Variants in CTNNA3 observed in about 807,000 individuals in gnomAD.
The protein encoded by CTNNA3 is catenin alpha-3.
A neutral mutation model predicts 95.7 loss-of-function variants in CTNNA3; 76 were observed. The ratio of observed to expected loss-of-function variants is 0.79; its 90% CI spans 0.66 to 0.96. The LOEUF (loss-of-function observed/expected upper bound fraction) is 0.96, where lower values mean the gene tolerates loss of function less well. Ranked by LOEUF, CTNNA3 falls within the 40% of genes least tolerant of loss-of-function variation. CTNNA3 has a pLI of 0.00. For synonymous variants in CTNNA3, 431 were observed against 374.4 expected, an observed-to-expected ratio of 1.15 and a Z score of -1.74; for missense variants, 1,191 against 1,089.8, an observed-to-expected ratio of 1.09 and a Z score of -1.31.
chr10:67,052,926 G>A (rs1420614426), intron 7 of CTNNA3, among the ~76,000 whole-genome samples: 5 of 152,086 alleles, frequency 3.3e-5, no homozygotes, highest in Admixed American at 3.3e-4. Flanking sequence ...GTACTCATTT[G>A]GCTCACCTAA....
chr10:67,574,619 C>T (rs1447199754), intron 3 of CTNNA3, among the ~76,000 whole-genome samples: 3 of 144,048 alleles, frequency 2.1e-5, no homozygotes, highest in Admixed American at 1.4e-4. Context: ...CTCCCACTGT[C>T]GCCCAGGCTG....
chr10:67,262,290 A>G (rs1012822848), intron 5 of CTNNA3, among the ~76,000 whole-genome samples: 2 of 152,206 alleles, frequency 1.3e-5, no homozygotes, highest in Non-Finnish European at 2.9e-5. Flanking sequence ...TCATAAAAAT[A>G]ATTTTATATG....
At chr10:66,072,669 TCCTGA>T (rs1486656376) in intron 14 of CTNNA3, among the ~76,000 whole-genome samples, 12 of 152,062 alleles carry the variant, frequency 7.9e-5, no homozygotes, top group Non-Finnish European at 7.4e-5. Context: ...GGTCTTGAAC[TCCTGA>T]CCTCGTGATC....
intron 9 of CTNNA3, among the ~76,000 whole-genome samples, chr10:66,632,739 A>T (rs1436059551): frequency 6.6e-6 from 1 of 152,044 alleles, no homozygotes; most frequent in Non-Finnish European, 1.5e-5. Context: ...TACATAAAAA[A>T]TTTTAAATGT....
chr10:67,472,952 T>A (rs2133032988), intron 5 of CTNNA3, among the ~76,000 whole-genome samples: 4 of 152,330 alleles, frequency 2.6e-5, no homozygotes, highest in Middle Eastern at 6.8e-3. Flanking sequence ...CCCTTTTACC[T>A]TTCTCCATAG....
At chr10:67,637,065 C>T (rs558904356) in intron 2 of CTNNA3, among the ~76,000 whole-genome samples, 10 of 152,160 alleles carry the variant, frequency 6.6e-5, no homozygotes, top group East Asian at 3.9e-4. Context: ...CAAACTTCTC[C>T]GAGCTAAAGG....
intron 13 of CTNNA3, among the ~76,000 whole-genome samples, chr10:66,194,574 C>G (rs2086852040): frequency 6.6e-6 from 1 of 152,060 alleles, no homozygotes; most frequent in Non-Finnish European, 1.5e-5. Context: ...GAGAGAGACT[C>G]CATCTCAAAA....
chr10:66,959,394 G>A (rs901746662), intron 7 of CTNNA3, among the ~76,000 whole-genome samples: 1 of 152,108 alleles, frequency 6.6e-6, no homozygotes, highest in Non-Finnish European at 1.5e-5. Context: ...ATAATGAGAT[G>A]TTTCTTTAAA....
chr10:67,667,419 A>G (rs1308713726), intron 1 of CTNNA3, among the ~76,000 whole-genome samples: 5 of 152,208 alleles, frequency 3.3e-5, no homozygotes, highest in Non-Finnish European at 7.4e-5. Context: ...TGATGCAATT[A>G]TATCACAAAC....
intron 7 of CTNNA3, among the ~76,000 whole-genome samples, chr10:66,814,819 T>G (rs1033612064): frequency 9.9e-5 from 15 of 151,886 alleles, no homozygotes; most frequent in African/African-American, 3.6e-4. Flanking sequence ...AAGCAAATAT[T>G]TGAACTTTTG....
chr10:66,960,111 T>C (rs1849035546), intron 7 of CTNNA3, among the ~76,000 whole-genome samples: 1 of 152,162 alleles, frequency 6.6e-6, no homozygotes, highest in Non-Finnish European at 1.5e-5. Context: ...TAAAAATATT[T>C]CTTTCTCTCC....
intron 7 of CTNNA3, among the ~76,000 whole-genome samples, chr10:67,127,696 G>A (rs1215246765): frequency 6.6e-6 from 1 of 152,088 alleles, no homozygotes; most frequent in Non-Finnish European, 1.5e-5. Context: ...TCTGTACCAG[G>A]TACAGTCAAG....
At chr10:66,381,439 T>G (rs967591673) in intron 11 of CTNNA3, among the ~76,000 whole-genome samples, 1 of 152,212 alleles carries the variant, frequency 6.6e-6, no homozygotes, top group African/African-American at 2.4e-5. Context: ...TTTAAAAATA[T>G]CTCTCTAGTA....
At chr10:66,964,382 A>G (rs1011509648) in intron 7 of CTNNA3, among the ~76,000 whole-genome samples, 5 of 151,880 alleles carry the variant, frequency 3.3e-5, no homozygotes, top group Non-Finnish European at 5.9e-5. Context: ...TGTTTCTCTC[A>G]TACTTTAAAA....
chr10:67,048,525 G>T (rs1370244203), intron 7 of CTNNA3, among the ~76,000 whole-genome samples: 1 of 151,968 alleles, frequency 6.6e-6, no homozygotes, highest in African/African-American at 2.4e-5. Context: ...CTAATATACT[G>T]CAAGTTACTA....
chr10:67,026,607 A>G (rs1051788748), intron 7 of CTNNA3, among the ~76,000 whole-genome samples: 13 of 152,178 alleles, frequency 8.5e-5, no homozygotes, highest in Non-Finnish European at 1.9e-4. Flanking sequence ...AAGAAAGAAC[A>G]GTCTTCTGAA....
At chr10:67,075,857 A>C (rs533981482) in intron 7 of CTNNA3, among the ~76,000 whole-genome samples, 5 of 152,354 alleles carry the variant, frequency 3.3e-5, no homozygotes, top group African/African-American at 1.2e-4. Flanking sequence ...AGCCAGCAAA[A>C]TCTGAGCTTT....
chr10:67,493,328 G>A (rs970331153), intron 5 of CTNNA3, among the ~76,000 whole-genome samples: 7 of 152,074 alleles, frequency 4.6e-5, no homozygotes, highest in South Asian at 2.1e-4. Context: ...TTGGGAGGCC[G>A]AGGCGGGTGG....
chr10:66,790,435 C>T (rs980295905), intron 7 of CTNNA3, among the ~76,000 whole-genome samples: 2 of 151,906 alleles, frequency 1.3e-5, no homozygotes, highest in African/African-American at 4.8e-5. Context: ...CCAGTCTGGG[C>T]GACAGAACAA....
Sources: gnomAD v4.1 joint callset for allele counts (sites outside exome capture counted in the v4.1 genomes callset) on GRCh38, gnomAD v4.1.1 for gene constraint, MANE v1.5 for transcripts, NCBI Gene and HGNC (gene_info 2026-07-23, HGNC 2026-07-21) for gene names.